The following KLHL7 variants were observed in gnomAD, a reference collection of about 807,000 sequenced individuals.
KLHL7 encodes the protein kelch-like protein 7.
In KLHL7, 44 loss-of-function variants were observed where a neutral mutation model predicts 67.4. The observed-to-expected ratio is 0.65, with a 90% CI of 0.51 to 0.84. The LOEUF (loss-of-function observed/expected upper bound fraction) is 0.84, where lower values mean the gene tolerates loss of function less well. Ranked by LOEUF, KLHL7 falls within the 40% of genes least tolerant of loss-of-function variation. KLHL7 has a pLI of 0.00. For synonymous variants in KLHL7, 252 were observed against 243.3 expected (o/e 1.04, Z -0.33); for missense variants, 362 against 718.1 (o/e 0.50, Z 5.67).
chr7:23,143,757 A>T, intron 5 of KLHL7, 94 bp from the exon 6 acceptor site: 1 of 1,277,722 alleles, frequency 7.8e-7, no homozygotes, highest in South Asian at 1.2e-5. Context: ...TTATCTCCTT[A>T]TGAGGTTCTC....
intron 1 of KLHL7, among the ~76,000 whole-genome samples, chr7:23,122,471 A>G (rs1280489342): frequency 6.6e-6 from 1 of 152,168 alleles, no homozygotes; most frequent in African/African-American, 2.4e-5. Context: ...TATAGTATGT[A>G]GCAAAAACAC....
intron 8 of KLHL7, among the ~76,000 whole-genome samples, chr7:23,166,221 G>T (rs1395350804): frequency 1.3e-5 from 2 of 151,984 alleles, no homozygotes; most frequent in African/African-American, 4.8e-5. Context: ...AATTATTTGG[G>T]CTGCATAATA....
chr7:23,157,272 C>G (rs1784735245), intron 7 of KLHL7, among the ~76,000 whole-genome samples: 1 of 152,218 alleles, frequency 6.6e-6, no homozygotes, highest in Non-Finnish European at 1.5e-5. Flanking sequence ...CTACAATGAT[C>G]AGAAGCACCT....
chr7:23,171,425 G>A (rs1162199313), intron 9 of KLHL7, among the ~76,000 whole-genome samples: 1 of 152,148 alleles, frequency 6.6e-6, no homozygotes, highest in Non-Finnish European at 1.5e-5. Context: ...CATGATGATA[G>A]CTGAGTCTAT....
intron 4 of KLHL7, among the ~76,000 whole-genome samples, chr7:23,130,031 G>C (rs147586296): frequency 6.6e-6 from 1 of 152,164 alleles, no homozygotes; most frequent in Non-Finnish European, 1.5e-5. Context: ...TGTGCCAGAT[G>C]AATCAGGTAC....
chr7:23,169,895 T>C (rs1785105313), intron 9 of KLHL7, among the ~76,000 whole-genome samples: 1 of 152,164 alleles, frequency 6.6e-6, no homozygotes, highest in African/African-American at 2.4e-5. Context: ...TCAAAATAAA[T>C]GTTATATTAT....
intron 1 of KLHL7, chr7:23,106,665 C>T (rs1782654561): frequency 1.5e-5 from 15 of 1,012,710 alleles, no homozygotes; most frequent in Non-Finnish European, 1.8e-5. Context: ...TAATTTAGAG[C>T]AGAAGCAGCC....
In KLHL7 at chr7:23,152,149, C is replaced by T. The variant is rs761304908; in HGVS notation, c.876C>T (p.Asp292=). ...DGTRPRRKKH[D]YRIALFGGSQ... ...CAAGACCTAGAAGAAAGAAACATGACTACCGCATAGCCCTATTTGGAGGCT... is the reference window on the plus strand; with the variant it reads ...CAAGACCTAGAAGAAAGAAACATGATTACCGCATAGCCCTATTTGGAGGCT... Residue 292 remains aspartate (D), a synonymous_variant, in exon 7 of 11, where the codon GAC becomes GAT. Coordinates refer to ENST00000339077, the MANE Select transcript of KLHL7 (RefSeq NM_001031710.3). 1 of 1,613,942 alleles carries T rather than the reference C, an allele frequency of 6.2e-7. No homozygotes were observed. The highest frequency in any genetic ancestry group is 8.5e-7 in the Non-Finnish European group (1 of 1,179,826).
At chr7:23,147,646 G>T (rs1398436291) in intron 6 of KLHL7, among the ~76,000 whole-genome samples, 1 of 152,108 alleles carries the variant, frequency 6.6e-6, no homozygotes, top group Admixed American at 6.5e-5. Flanking sequence ...GGCTTAGGTT[G>T]TGTCTTCTGT....
chr7:23,110,722 G>T (rs1326584646), intron 1 of KLHL7, among the ~76,000 whole-genome samples: 1 of 149,678 alleles, frequency 6.7e-6, no homozygotes, highest in East Asian at 2.0e-4. Flanking sequence ...CCATTAACTC[G>T]TCATTTAGTA....
chr7:23,120,053 A>T (rs1201462341), intron 1 of KLHL7, among the ~76,000 whole-genome samples: 1 of 152,092 alleles, frequency 6.6e-6, no homozygotes. Context: ...ACTCTCACCC[A>T]GGCTGGAGTG....
At chr7:23,157,093 T>C (rs1269198225) in intron 7 of KLHL7, among the ~76,000 whole-genome samples, 2 of 152,174 alleles carry the variant, frequency 1.3e-5, no homozygotes, top group Non-Finnish European at 2.9e-5. Context: ...TCAGCAGTTA[T>C]AAATTGTGTA....
intron 1 of KLHL7, among the ~76,000 whole-genome samples, chr7:23,120,513 C>T (rs1015933081): frequency 6.6e-6 from 1 of 152,068 alleles, no homozygotes. Flanking sequence ...TTCTCTCAAA[C>T]GCTTATTTCT....
intron 1 of KLHL7, among the ~76,000 whole-genome samples, chr7:23,115,383 C>T (rs2128457581): frequency 6.6e-6 from 1 of 152,276 alleles, no homozygotes; most frequent in South Asian, 2.1e-4. Flanking sequence ...TGGCTTTTGG[C>T]TTGCCAGTCT....
rs1398057826 is a variant in KLHL7 at position 23,161,070 on chromosome 7, C to A, written c.937-4628C>A. ...TTCTGCTGACAAAAGTAGTTGTTTT[C>A]CTGGTACCATATTTTTGGTACCATT... On this transcript the variant is annotated intron_variant, in intron 7 of 10. Transcript: ENST00000339077. 2.0e-5 allele frequency among the ~76,000 whole-genome samples: 3 copies of A among 152,124 alleles called. No individual in the cohort carries two copies. In the East Asian group the frequency reaches 5.8e-4, roughly 29 times the overall value.
Position 23,111,501 on chromosome 7 carries a change from T to A in KLHL7, c.120+5355T>A, listed in dbSNP as rs367848433. On this transcript the variant is annotated intron_variant, in intron 1 of 10. Transcript: ENST00000339077. ...TTGTGTGCATGTGCATGCATGTTTG[T>A]AGAGATGGTATGTTTTCTTCTTTAA... Among the ~76,000 whole-genome samples, 13 of 152,260 alleles carry A rather than the reference T, an allele frequency of 8.5e-5. No individual in the cohort carries two copies. The South Asian group carries it at 2.7e-3, about 32-fold the overall frequency.
At chr7:23,127,334 A>G (rs1304822901) in intron 4 of KLHL7, among the ~76,000 whole-genome samples, 1 of 152,116 alleles carries the variant, frequency 6.6e-6, no homozygotes, top group Non-Finnish European at 1.5e-5. Context: ...GATACCTTCT[A>G]TCCTTACTGT....
At chr7:23,172,825 TG>T (rs1319444188) in intron 9 of KLHL7, 122 bp from the exon 10 acceptor site, 26 of 724,602 alleles carry the variant, frequency 3.6e-5, no homozygotes, top group Non-Finnish European at 6.2e-5. Flanking sequence ...AGACATTTTG[TG>T]CGTATATGTA....
intron 4 of KLHL7, among the ~76,000 whole-genome samples, chr7:23,134,417 T>C (rs1320898973): frequency 6.6e-6 from 1 of 152,234 alleles, no homozygotes; most frequent in East Asian, 1.9e-4. Flanking sequence ...AGTTTTCTTT[T>C]GTTTAATGTG....
Sources: gnomAD v4.1 joint callset for allele counts (sites outside exome capture counted in the v4.1 genomes callset) on GRCh38, gnomAD v4.1.1 for gene constraint, MANE v1.5 for transcripts, NCBI Gene and HGNC (gene_info 2026-07-23, HGNC 2026-07-21) for gene names.